The following SAMD12 variants were observed in gnomAD, a reference collection of about 807,000 sequenced individuals.
The protein encoded by SAMD12 is sterile alpha motif domain containing 12, also known as sterile alpha motif domain-containing protein 12.
Under a neutral mutation model 15.0 loss-of-function variants are expected in SAMD12, and 9 were observed. The ratio of observed to expected loss-of-function variants is 0.60; its 90% CI spans 0.36 to 1.05. SAMD12 has a LOEUF of 1.05. SAMD12 is among the 50% of genes least tolerant of loss of function. The pLI is 0.01. For missense variants in SAMD12, 230 were observed against 234.2 expected (o/e 0.98, Z 0.12); for synonymous variants, 86 against 90.1 (o/e 0.96, Z 0.25).
intron 2 of SAMD12, among the ~76,000 whole-genome samples, chr8:118,465,113 C>A (rs73313486): frequency 0.017 from 2,649 of 152,190 alleles, 70 homozygotes; most frequent in African/African-American, 0.046. Flanking sequence ...TTAAAAGGAG[C>A]AAATATACCC....
At chr8:118,361,931 G>T (rs893726455) in intron 4 of SAMD12, among the ~76,000 whole-genome samples, 8 of 152,294 alleles carry the variant, frequency 5.3e-5, no homozygotes, top group African/African-American at 1.9e-4. Context: ...AAATATAAAT[G>T]AATTCATTTG....
At chr8:118,608,352 G>C (rs1828029111) in intron 1 of SAMD12, among the ~76,000 whole-genome samples, 1 of 151,790 alleles carries the variant, frequency 6.6e-6, no homozygotes, top group African/African-American at 2.4e-5. Flanking sequence ...GTCTCTGCTT[G>C]TCTCCCTCAG....
chr8:118,292,406 G>A (rs1439259388), intron 4 of SAMD12, among the ~76,000 whole-genome samples: 1 of 133,286 alleles, frequency 7.5e-6, no homozygotes, highest in Non-Finnish European at 1.6e-5. Context: ...CAAAGGCAGT[G>A]TTCACAGATT....
intron 3 of SAMD12, among the ~76,000 whole-genome samples, chr8:118,432,466 C>T (rs1369705755): frequency 6.6e-6 from 1 of 152,170 alleles, no homozygotes; most frequent in Non-Finnish European, 1.5e-5. Flanking sequence ...CTAATGGGGG[C>T]AGTCATCAAG....
intron 4 of SAMD12, among the ~76,000 whole-genome samples, chr8:118,308,919 C>T (rs986239474): frequency 6.6e-6 from 1 of 152,094 alleles, no homozygotes; most frequent in Non-Finnish European, 1.5e-5. Context: ...CAAATGATTA[C>T]TTCTAGGAAA....
chr8:118,566,560 A>T (rs1030485497), intron 2 of SAMD12, among the ~76,000 whole-genome samples: 1 of 152,210 alleles, frequency 6.6e-6, no homozygotes, highest in Admixed American at 6.5e-5. Context: ...ATTTTTAAGC[A>T]TATAAAAGCC....
At chr8:118,190,614 C>G (rs1387146927) in exon 5 of SAMD12, 1 of 152,120 alleles carries the variant, frequency 6.6e-6, no homozygotes, top group East Asian at 1.9e-4. Flanking sequence ...GAAATAACAG[C>G]TCTACAGAGA....
chr8:118,269,756 T>C (rs901127424), intron 4 of SAMD12, among the ~76,000 whole-genome samples: 1 of 152,216 alleles, frequency 6.6e-6, no homozygotes, highest in Admixed American at 6.5e-5. Context: ...ACTTCTACAT[T>C]CTTCTCATCT....
rs1174970015 is a variant in SAMD12, at chr8:118,621,488, G to T, written c.13+316C>A. On this transcript the variant is annotated intron_variant, in intron 1 of 3. Transcript: ENST00000314727. ...GGGGGCAGGGAAAAAGGGCATCTCG[G>T]GGCCAAAACCTCATGCCGGATCCTC... is the stretch of plus-strand genomic sequence containing the variant. The T allele has an allele frequency of 1.2e-5, 5 of 430,252 alleles. No individual in the cohort carries two copies. In the Admixed American group the frequency reaches 1.9e-4, roughly 16 times the overall value. The allele number at this position is 430,252 out of a possible 1,614,324, so 26.7% of individuals were successfully genotyped here.
the SAMD12 span, among the ~76,000 whole-genome samples, chr8:118,145,499 G>A: frequency 6.6e-6 from 1 of 152,072 alleles, no homozygotes; most frequent in Non-Finnish European, 1.5e-5. Flanking sequence ...TGTTGTTCTG[G>A]GAGCTGGAGG....
At chr8:118,375,356 T>A (rs1462161068), downstream of SAMD12, among the ~76,000 whole-genome samples, 2 of 152,184 alleles carry the variant, frequency 1.3e-5, no homozygotes, top group African/African-American at 4.8e-5. Context: ...TATACGCATA[T>A]GTAAATTATT....
chr8:118,269,216 CTCTCTGTGTGTGTGTGTGTGTG>C (rs1484014940), intron 4 of SAMD12, among the ~76,000 whole-genome samples: 1 of 116,908 alleles, frequency 8.6e-6, no homozygotes, highest in Non-Finnish European at 1.7e-5. Flanking sequence ...CTCTCTCTCT[CTCTCTGTGTGTGTGTGTGTGTG>C]TGTGTGTGTG....
At chr8:118,287,295 T>G (rs968412719) in intron 4 of SAMD12, among the ~76,000 whole-genome samples, 24 of 151,682 alleles carry the variant, frequency 1.6e-4, no homozygotes, top group Non-Finnish European at 3.4e-4. Context: ...CGGCTAATTT[T>G]TTTGTATTTT....
intron 4 of SAMD12, among the ~76,000 whole-genome samples, chr8:118,278,368 G>A (rs559297616): frequency 4.7e-4 from 71 of 152,278 alleles, no homozygotes; most frequent in African/African-American, 1.6e-3. Flanking sequence ...TTTTATCACT[G>A]TGCTTTATCA....
chr8:118,439,173 G>A (rs976923499), intron 3 of SAMD12, among the ~76,000 whole-genome samples: 1 of 152,090 alleles, frequency 6.6e-6, no homozygotes, highest in East Asian at 1.9e-4. Context: ...TGACCTCCAC[G>A]TATAATATTT....
intron 4 of SAMD12, among the ~76,000 whole-genome samples, chr8:118,332,497 T>G (rs1387068951): frequency 6.6e-6 from 1 of 152,202 alleles, no homozygotes; most frequent in Non-Finnish European, 1.5e-5. Context: ...TGTCGTTCGT[T>G]TATTTAGTCA....
chr8:118,529,152 G>C (rs1825616724), intron 2 of SAMD12, among the ~76,000 whole-genome samples: 1 of 152,162 alleles, frequency 6.6e-6, no homozygotes, highest in African/African-American at 2.4e-5. Context: ...GAGAAAACCA[G>C]GAACTTACAC....
chr8:118,400,026 T>C (rs929678520), intron 3 of SAMD12, among the ~76,000 whole-genome samples: 3 of 152,258 alleles, frequency 2.0e-5, no homozygotes, highest in African/African-American at 7.2e-5. Context: ...ATTGATTTTA[T>C]GTGTGCCTCA....
intron 2 of SAMD12, among the ~76,000 whole-genome samples, chr8:118,568,357 G>A (rs1052071228): frequency 1.3e-5 from 2 of 152,208 alleles, no homozygotes; most frequent in African/African-American, 4.8e-5. Flanking sequence ...CCTAGTAGCA[G>A]ATGACAGGAG....
Sources: allele counts gnomAD v4.1 joint callset (sites outside exome capture counted in the v4.1 genomes callset), GRCh38; gene constraint gnomAD v4.1.1; transcripts MANE v1.5; gene names NCBI Gene and HGNC (gene_info 2026-07-23, HGNC 2026-07-21).